Variants in PDE3A observed in about 807,000 individuals in gnomAD.
PDE3A encodes the protein phosphodiesterase 3A.
Under a neutral mutation model 98.3 loss-of-function variants are expected in PDE3A, and 43 were observed. The observed-to-expected ratio is 0.44, with a 90% CI of 0.34 to 0.56. The LOEUF (loss-of-function observed/expected upper bound fraction) is 0.56, where lower values mean the gene tolerates loss of function less well. PDE3A is among the 20% of genes least tolerant of loss of function. The pLI is 0.01. For synonymous variants in PDE3A, 663 were observed against 567.9 expected, an observed-to-expected ratio of 1.17 and a Z score of -2.38; for missense variants, 1,427 against 1,440.7, an observed-to-expected ratio of 0.99 and a Z score of 0.15.
At chr12:20,374,103 G>A (rs919051019) in intron 1 of PDE3A, among the ~76,000 whole-genome samples, 1 of 152,068 alleles carries the variant, frequency 6.6e-6, no homozygotes, top group Non-Finnish European at 1.5e-5. Flanking sequence ...GATTACTTAT[G>A]ACTTGGTGAC....
intron 1 of PDE3A, among the ~76,000 whole-genome samples, chr12:20,476,819 T>G (rs1945539611): frequency 6.6e-6 from 1 of 152,192 alleles, no homozygotes; most frequent in Admixed American, 6.5e-5. Context: ...TCCATCAAAT[T>G]GATTTGAATC....
chr12:20,429,930 G>A lies in PDE3A; in HGVS notation c.960+59686G>A, dbSNP rs114335535. The stretch of plus-strand genomic sequence containing the variant: ...CAACATCTGCTACATTTTGCCACAC[G>A]GTTGTAGGCTTGAACTCTGAAATGC... On this transcript the variant is annotated intron_variant, in intron 1 of 15. Transcript: ENST00000359062. Among the ~76,000 whole-genome samples the A allele has an allele frequency of 1.8e-3, 274 of 151,952 alleles. 3 individuals are homozygous for A. The highest frequency in any genetic ancestry group is 6.1e-3 in the African/African-American group (253 of 41,444).
chr12:20,522,789 G>C (rs1946452336), intron 1 of PDE3A, among the ~76,000 whole-genome samples: 2 of 152,236 alleles, frequency 1.3e-5, no homozygotes, highest in South Asian at 4.1e-4. Context: ...TAGTAAGATG[G>C]GAAAAAATGA....
intron 1 of PDE3A, among the ~76,000 whole-genome samples, chr12:20,401,046 C>T (rs180947274): frequency 2.0e-5 from 3 of 152,286 alleles, no homozygotes; most frequent in African/African-American, 7.2e-5. Context: ...CTTCCTGTTT[C>T]TGTTACACTA....
chr12:20,456,822 T>C (rs2120909218), intron 1 of PDE3A, among the ~76,000 whole-genome samples: 1 of 152,254 alleles, frequency 6.6e-6, no homozygotes, highest in African/African-American at 2.4e-5. Flanking sequence ...CGCTATGGGC[T>C]TGCCCACAGG....
At chr12:20,663,324 C>T (rs141747654) in intron 15 of PDE3A, among the ~76,000 whole-genome samples, 1 of 152,186 alleles carries the variant, frequency 6.6e-6, no homozygotes, top group Non-Finnish European at 1.5e-5. Context: ...GTGCACTGCA[C>T]AGTGGAGCTG....
chr12:20,395,346 AT>A (rs911497506), intron 1 of PDE3A, among the ~76,000 whole-genome samples: 8 of 151,832 alleles, frequency 5.3e-5, no homozygotes, highest in African/African-American at 1.9e-4. Context: ...GTAGCATAGT[AT>A]TTATATGGTT....
chr12:20,510,142 A>G (rs1946193896), intron 1 of PDE3A, among the ~76,000 whole-genome samples: 1 of 151,966 alleles, frequency 6.6e-6, no homozygotes, highest in Non-Finnish European at 1.5e-5. Context: ...TTTTATCAGT[A>G]TTTTCTTCTA....
At chr12:20,494,145 C>G (rs1591987715) in intron 1 of PDE3A, among the ~76,000 whole-genome samples, 1 of 152,324 alleles carries the variant, frequency 6.6e-6, no homozygotes, top group East Asian at 1.9e-4. Context: ...AAGTTGTCTT[C>G]AGGCCGCTCT....
chr12:20,597,008 G>A (rs1213231950), intron 2 of PDE3A, among the ~76,000 whole-genome samples: 2 of 152,160 alleles, frequency 1.3e-5, no homozygotes, highest in Non-Finnish European at 2.9e-5. Context: ...GACTACCTGG[G>A]TTGGAATGTC....
At chr12:20,571,789 C>G in intron 2 of PDE3A, 1 of 289,676 alleles carries the variant, frequency 3.5e-6, no homozygotes. Flanking sequence ...ATCCATAATG[C>G]ATTTATCATA....
At chr12:20,474,983 A>G (rs1290793045) in intron 1 of PDE3A, among the ~76,000 whole-genome samples, 2 of 151,682 alleles carry the variant, frequency 1.3e-5, no homozygotes, top group Non-Finnish European at 2.9e-5. Flanking sequence ...TTTGGTGGAG[A>G]TGGTAGTGAG....
chr12:20,450,752 G>A (rs1033583705), intron 1 of PDE3A, among the ~76,000 whole-genome samples: 6 of 152,204 alleles, frequency 3.9e-5, no homozygotes, highest in Non-Finnish European at 8.8e-5. Context: ...GTATGGGAAT[G>A]TGCTTATATT....
chr12:20,606,851 C>CAAA (rs370189687), intron 2 of PDE3A, among the ~76,000 whole-genome samples: 12 of 74,650 alleles, frequency 1.6e-4, no homozygotes, highest in African/African-American at 3.5e-4. Context: ...AGCTCCATCT[C>CAAA]AAAAAAAAAA....
chr12:20,591,907 T>C (rs1943348312), intron 2 of PDE3A, among the ~76,000 whole-genome samples: 1 of 152,224 alleles, frequency 6.6e-6, no homozygotes, highest in Non-Finnish European at 1.5e-5. Context: ...CATCAGTGAA[T>C]AAGTAAATGT....
chr12:20,554,935 T>C (rs1019467755), intron 1 of PDE3A, among the ~76,000 whole-genome samples: 3 of 152,254 alleles, frequency 2.0e-5, no homozygotes, highest in African/African-American at 7.2e-5. Context: ...GCATTTTTAA[T>C]GCTAAACCAT....
At chr12:20,678,557 A>G (rs1945695013) in intron 15 of PDE3A, among the ~76,000 whole-genome samples, 3 of 152,144 alleles carry the variant, frequency 2.0e-5, no homozygotes, top group Admixed American at 6.5e-5. Context: ...TCATGTAAAC[A>G]TGATGTTGGC....
intron 13 of PDE3A, among the ~76,000 whole-genome samples, chr12:20,649,995 A>G (rs567879666): frequency 6.6e-6 from 1 of 152,274 alleles, no homozygotes; most frequent in South Asian, 2.1e-4. Context: ...TAATTCAATA[A>G]TTAATGATTT....
chr12:20,686,261 T>G lies in PDE3A; in HGVS notation c.*5990T>G, dbSNP rs1945958422. 6.6e-6 allele frequency among the ~76,000 whole-genome samples: 1 copy of G among 152,234 alleles called. No homozygotes were observed. The highest frequency in any genetic ancestry group is 6.5e-5 in the Admixed American group (1 of 15,288). On this transcript the variant is annotated 3_prime_UTR_variant, in exon 16 of 16. Coordinates refer to ENST00000359062, the MANE Select transcript of PDE3A (RefSeq NM_000921.5). ...GTACAAATTATAGTCTGAGATCTTC[T>G]GAGTTTTCCTAAGACAAAGGAGTGT... is the stretch of plus-strand genomic sequence containing the variant.
Sources: allele counts gnomAD v4.1 joint callset (sites outside exome capture counted in the v4.1 genomes callset), GRCh38; gene constraint gnomAD v4.1.1; transcripts MANE v1.5; gene names NCBI Gene and HGNC (gene_info 2026-07-23, HGNC 2026-07-21).